SPAG16: variants seen among roughly 807,000 people sequenced by gnomAD.
The protein encoded by SPAG16 is sperm associated antigen 16.
Under a neutral mutation model 80.4 loss-of-function variants are expected in SPAG16, and 86 were observed. That is an observed-to-expected ratio of 1.07 (90% CI 0.90 to 1.28). The LOEUF is 1.28. SPAG16 is among the 50% of genes most tolerant of loss of function. SPAG16 has a pLI of 0.00. For synonymous variants in SPAG16, 294 were observed against 265.9 expected, an observed-to-expected ratio of 1.11 and a Z score of -1.03; for missense variants, 870 against 765.3, an observed-to-expected ratio of 1.14 and a Z score of -1.61.
At chr2:213,409,078 T>C (rs1214068424) in intron 9 of SPAG16, among the ~76,000 whole-genome samples, 1 of 150,866 alleles carries the variant, frequency 6.6e-6, no homozygotes. Flanking sequence ...TAAAAAGGAA[T>C]GTTCCATGGT....
intron 13 of SPAG16, among the ~76,000 whole-genome samples, chr2:214,044,218 A>G (rs2049186958): frequency 6.6e-6 from 1 of 152,192 alleles, no homozygotes; most frequent in South Asian, 2.1e-4. Flanking sequence ...TTTTTAATTT[A>G]TAAAGGACTA....
At position 213,728,876 on chromosome 2, in the gene SPAG16, C is replaced by CAAAAAAAAAAAAAAAA. The variant is rs58070679; in HGVS notation, c.1071-133579_1071-133564dup. On this transcript the variant is annotated intron_variant, in intron 10 of 15. Transcript: ENST00000331683. ...TGGGCGACAGAGTGAGACTCCGTCT[C>CAAAAAAAAAAAAAAAA]AAAAAAAAAAAAAAAAAAAAAAAAA... Among the ~76,000 whole-genome samples the CAAAAAAAAAAAAAAAA allele has an allele frequency of 8.6e-4, 50 of 58,454 alleles. 4 individuals carry two copies. The highest frequency in any genetic ancestry group is 1.1e-3 in the Non-Finnish European group (38 of 34,762). 38.3% of individuals were successfully genotyped at this position (58,454 alleles called of 152,430 possible). A position where few individuals can be genotyped will look rare whatever the true frequency, so the allele number is the denominator to read the frequency against.
intron 13 of SPAG16, among the ~76,000 whole-genome samples, chr2:214,098,559 C>G (rs1456373959): frequency 6.6e-6 from 1 of 152,006 alleles, no homozygotes; most frequent in Admixed American, 6.6e-5. Context: ...ATGAAGCCAA[C>G]CCTGCCTACA....
intron 12 of SPAG16, among the ~76,000 whole-genome samples, chr2:213,987,377 A>G (rs1353260931): frequency 6.6e-6 from 1 of 152,064 alleles, no homozygotes; most frequent in Non-Finnish European, 1.5e-5. Context: ...TTTTGGATCT[A>G]GCAATCGTGT....
intron 14 of SPAG16, among the ~76,000 whole-genome samples, chr2:214,147,690 G>T (rs1400206725): frequency 1.3e-5 from 2 of 152,090 alleles, no homozygotes; most frequent in African/African-American, 4.8e-5. Flanking sequence ...ATATTTGAGG[G>T]CATTCCAAGT....
chr2:213,897,157 G>C (rs984609057), intron 11 of SPAG16, among the ~76,000 whole-genome samples: 5 of 152,076 alleles, frequency 3.3e-5, no homozygotes, highest in African/African-American at 1.2e-4. Context: ...AATTATATGA[G>C]TGTATTAAAT....
intron 3 of SPAG16, among the ~76,000 whole-genome samples, chr2:213,305,194 A>T (rs1418871599): frequency 6.6e-6 from 1 of 152,194 alleles, no homozygotes; most frequent in Non-Finnish European, 1.5e-5. Flanking sequence ...GCATATAGAA[A>T]TACTACTGAT....
intron 12 of SPAG16, among the ~76,000 whole-genome samples, chr2:213,954,789 A>G (rs991618035): frequency 1.3e-5 from 2 of 152,168 alleles, no homozygotes; most frequent in Non-Finnish European, 2.9e-5. Context: ...GAAATTCCCA[A>G]TTCTCCACAT....
At chr2:213,879,757 G>C (rs1383438720) in intron 11 of SPAG16, among the ~76,000 whole-genome samples, 5 of 151,960 alleles carry the variant, frequency 3.3e-5, no homozygotes, top group African/African-American at 4.8e-5. Flanking sequence ...TTCTTGCATT[G>C]GTTCACTTTG....
At chr2:213,919,881 A>G (rs900814299) in intron 11 of SPAG16, among the ~76,000 whole-genome samples, 1 of 152,170 alleles carries the variant, frequency 6.6e-6, no homozygotes. Context: ...TAATACTGTC[A>G]GTAGGGTGTT....
intron 4 of SPAG16, among the ~76,000 whole-genome samples, chr2:213,316,645 T>G (rs1017910389): frequency 2.6e-4 from 39 of 152,078 alleles, no homozygotes; most frequent in African/African-American, 8.7e-4. Flanking sequence ...CTGTTTGTTC[T>G]TTCTTGTAGT....
At chr2:214,408,707 C>T (rs1223287827) in intron 15 of SPAG16, among the ~76,000 whole-genome samples, 1 of 152,060 alleles carries the variant, frequency 6.6e-6, no homozygotes, top group Non-Finnish European at 1.5e-5. Context: ...ATATCACTTA[C>T]CTAAAATCTG....
intron 15 of SPAG16, among the ~76,000 whole-genome samples, chr2:214,387,867 G>T (rs1004627225): frequency 1.3e-5 from 2 of 152,092 alleles, no homozygotes; most frequent in African/African-American, 4.8e-5. Context: ...TCTTCACCTG[G>T]TCTCTCCCAC....
At chr2:213,623,950 A>G (rs2061870516) in intron 10 of SPAG16, among the ~76,000 whole-genome samples, 1 of 152,092 alleles carries the variant, frequency 6.6e-6, no homozygotes. Context: ...TACATATTTA[A>G]CAATGTAATA....
At chr2:214,291,047 G>C (rs952243588) in intron 15 of SPAG16, among the ~76,000 whole-genome samples, 1 of 151,954 alleles carries the variant, frequency 6.6e-6, no homozygotes, top group Non-Finnish European at 1.5e-5. Flanking sequence ...ATTTAGTGTT[G>C]GGTGTATATA....
intron 15 of SPAG16, among the ~76,000 whole-genome samples, chr2:214,192,106 T>G (rs2057685864): frequency 1.3e-5 from 2 of 152,138 alleles, no homozygotes; most frequent in Non-Finnish European, 2.9e-5. Context: ...CATGCAAGTT[T>G]ATGATTCCTT....
chr2:214,084,388 CT>C (rs1270399569), intron 13 of SPAG16, among the ~76,000 whole-genome samples: 1 of 151,882 alleles, frequency 6.6e-6, no homozygotes, highest in Non-Finnish European at 1.5e-5. Context: ...AGCACGTAAT[CT>C]TTGAAAAAAA....
intron 9 of SPAG16, among the ~76,000 whole-genome samples, chr2:213,425,358 T>G (rs113360080): frequency 0.045 from 6,619 of 148,172 alleles, 162 homozygotes; most frequent in Middle Eastern, 0.09. Context: ...TTAGTGCATA[T>G]AAATGTGTAG....
intron 12 of SPAG16, among the ~76,000 whole-genome samples, chr2:214,002,801 G>A (rs2046852114): frequency 6.6e-6 from 1 of 152,142 alleles, no homozygotes; most frequent in African/African-American, 2.4e-5. Context: ...GGATTGAATG[G>A]TGCCCTCTTA....
Sources: allele counts gnomAD v4.1 joint callset (sites outside exome capture counted in the v4.1 genomes callset), GRCh38; gene constraint gnomAD v4.1.1; transcripts MANE v1.5; gene names NCBI Gene and HGNC (gene_info 2026-07-23, HGNC 2026-07-21).